LRAT: variants seen among roughly 807,000 people sequenced by gnomAD.
LRAT encodes lecithin retinol acyltransferase (phosphatidylcholine--retinol O-acyltransferase).
In LRAT, 11 loss-of-function variants were observed where a neutral mutation model predicts 14.2. The ratio of observed to expected loss-of-function variants is 0.78; its 90% CI spans 0.49 to 1.29. The LOEUF is 1.29. Ranked by LOEUF, LRAT falls within the 50% of genes most tolerant of loss-of-function variation. The pLI, the probability that LRAT is intolerant of heterozygous loss-of-function variation, is 0.00. For missense variants in LRAT, 274 were observed against 292.4 expected, an observed-to-expected ratio of 0.94 and a Z score of 0.46; for synonymous variants, 144 against 124.8, an observed-to-expected ratio of 1.15 and a Z score of -1.03.
At position 154,744,342 on chromosome 4, in the gene LRAT, CTGGAGG is replaced by C. The variant is rs1732830486; in HGVS notation, c.20_25del (p.Glu7_Val8del). Reference sequence around the variant, plus strand: ...TCCCTGCAGGATGAAGAACCCCATGCTGGAGGTGGTGTCTTTACTACTGGAGAAGCT... The same window carrying C: ...TCCCTGCAGGATGAAGAACCCCATGCTGGTGTCTTTACTACTGGAGAAGCT... On this transcript the variant is annotated inframe_deletion, in exon 2 of 3. Transcript: ENST00000336356. The C allele has an allele frequency of 6.2e-7, 1 of 1,614,028 alleles. No individual in the cohort carries two copies. Among genetic ancestry groups the C allele is most frequent in the Non-Finnish European group, 8.5e-7 (1 of 1,180,048 alleles).
intron 2 of LRAT, 111 bp downstream of exon 2, chr4:154,744,977 C>T: frequency 8.0e-6 from 7 of 875,040 alleles, no homozygotes; most frequent in South Asian, 4.1e-5. Context: ...ACCTCCCCTA[C>T]CACTTCCATA....
chr4:154,741,041 G>A (rs928935655), upstream of LRAT: 3 of 152,114 alleles, frequency 2.0e-5, no homozygotes, highest in African/African-American at 7.2e-5. Context: ...TATTATTGGG[G>A]GCATAAGCCT....
upstream of LRAT, among the ~76,000 whole-genome samples, chr4:154,741,985 C>T (rs1344441062): frequency 6.6e-6 from 1 of 151,992 alleles, no homozygotes; most frequent in South Asian, 2.1e-4. Context: ...GCCCTTTGGC[C>T]CGTGACACAA....
At position 154,749,554 on chromosome 4, in the gene LRAT, T is replaced by C; in HGVS notation, c.*418T>C. On this transcript the variant is annotated 3_prime_UTR_variant, in exon 3 of 3. Coordinates refer to ENST00000336356, the MANE Select transcript of LRAT (RefSeq NM_004744.5). ...TACTTTGTTTCATTGAAAAAACAAA[T>C]TGATAAACATATTAAACTGGAAGAA... The C allele has an allele frequency of 6.2e-6, 1 of 160,692 alleles. No homozygotes were observed. The highest frequency in any genetic ancestry group is 1.4e-5 in the Non-Finnish European group (1 of 73,248). The allele number at this position is 160,692 out of a possible 1,614,324, so 10.0% of individuals were successfully genotyped here. A position where few individuals can be genotyped will look rare whatever the true frequency, so the allele number is the denominator to read the frequency against.
rs1732952951 is a variant in LRAT, at chr4:154,749,760, T to C, written c.*624T>C. ...GAAATTATAGAAATCTGTGTTTTCC[T>C]GTAAAAATAGCACTATAGTATCACT... On this transcript the variant is annotated 3_prime_UTR_variant, in exon 3 of 3. Transcript: ENST00000336356. 6.6e-6 allele frequency: 1 copy of C among 152,524 alleles called. No individual in the cohort carries two copies. The highest frequency in any genetic ancestry group is 1.5e-5 in the Non-Finnish European group (1 of 68,280). The allele number at this position is 152,524 out of a possible 1,614,324, so 9.4% of individuals were successfully genotyped here.
chr4:154,742,675 T>A (rs1732789299), upstream of LRAT, among the ~76,000 whole-genome samples: 1 of 152,086 alleles, frequency 6.6e-6, no homozygotes, highest in Admixed American at 6.5e-5. Context: ...CAGCACCCGG[T>A]GGGGACATCG....
upstream of LRAT, among the ~76,000 whole-genome samples, chr4:154,743,346 C>T (rs1732805302): frequency 6.6e-6 from 1 of 151,948 alleles, no homozygotes; most frequent in African/African-American, 2.4e-5. Flanking sequence ...ACTAAAAATA[C>T]AAAAATTAGC....
chr4:154,748,956 C>T (rs1732933771), intron 2 of LRAT, 28 bp from the exon 3 acceptor site: 1 of 1,610,900 alleles, frequency 6.2e-7, no homozygotes. Flanking sequence ...AGCCACCTTT[C>T]CTAATTTTCC....
upstream of LRAT, among the ~76,000 whole-genome samples, chr4:154,741,387 C>A (rs778667603): frequency 1.3e-4 from 20 of 152,192 alleles, no homozygotes; most frequent in Non-Finnish European, 2.5e-4. Flanking sequence ...GAAGTCCTAG[C>A]ACGCAGAGCA....
upstream of LRAT, among the ~76,000 whole-genome samples, chr4:154,742,598 C>G (rs562936735): frequency 5.9e-5 from 9 of 152,312 alleles, no homozygotes; most frequent in South Asian, 1.5e-3. Flanking sequence ...TGGAGCCACC[C>G]GAGGCTCTCC....
chr4:154,748,947 G>T lies in LRAT; in HGVS notation c.541-37G>T. On this transcript the variant is annotated intron_variant, in intron 2 of 2. Transcript: ENST00000336356. ...ATATATGTGATTCTTCTTGGGTTTA[G>T]CCACCTTTCCTAATTTTCCAATATT... is the stretch of plus-strand genomic sequence containing the variant. 2.5e-6 allele frequency: 4 copies of T among 1,604,604 alleles called. No individual in the cohort carries two copies. The Middle Eastern group carries it at 6.6e-4, about 265-fold the overall frequency.
At chr4:154,748,101 A>C in intron 2 of LRAT, 2 of 355,358 alleles carry the variant, frequency 5.6e-6, no homozygotes, top group Non-Finnish European at 7.9e-6. Context: ...CAATCACTGC[A>C]TTCTGGCATC....
chr4:154,741,204 G>T, upstream of LRAT, among the ~76,000 whole-genome samples: 1 of 129,786 alleles, frequency 7.7e-6, no homozygotes, highest in Admixed American at 8.3e-5. Context: ...GGGGGGTCGG[G>T]GGCGGGGAGA....
upstream of LRAT, among the ~76,000 whole-genome samples, chr4:154,742,142 C>G (rs1052617304): frequency 6.6e-6 from 1 of 152,160 alleles, no homozygotes; most frequent in African/African-American, 2.4e-5. Flanking sequence ...CTGCTAGAGG[C>G]TAGCAAGCTC....
At position 154,744,494 on chromosome 4, in the gene LRAT, C is replaced by T. The variant is rs772712968; in HGVS notation, c.168C>T (p.Thr56=). Residue 56 remains threonine (T), a synonymous_variant, in exon 2 of 3, where the codon ACC becomes ACT. Coordinates refer to ENST00000336356, the MANE Select transcript of LRAT (RefSeq NM_004744.5). ...GCGACGTGCTGGAGGTGCCCCGGAC[C>T]CACCTGACCCACTATGGCATCTACC... ...HRGDVLEVPR[T]HLTHYGIYLG... is the part of the protein sequence containing the mutation. 5.6e-6 allele frequency: 9 copies of T among 1,613,968 alleles called. No homozygotes were observed. Among genetic ancestry groups the T allele is most frequent in the Non-Finnish European group, 6.8e-6 (8 of 1,180,010 alleles).
chr4:154,742,158 G>A (rs1732780095), upstream of LRAT, among the ~76,000 whole-genome samples: 1 of 152,140 alleles, frequency 6.6e-6, no homozygotes, highest in Non-Finnish European at 1.5e-5. Flanking sequence ...AGCTCCCTGT[G>A]CGCAGCTGAT....
In LRAT at chr4:154,751,913, G is replaced by A. The variant is rs1044507001; in HGVS notation, c.*2777G>A. On this transcript the variant is annotated 3_prime_UTR_variant, in exon 3 of 3. Coordinates refer to ENST00000336356, the MANE Select transcript of LRAT (RefSeq NM_004744.5). ...TTCTGATTTCTGAAATGATAACCTA[G>A]TAGTGTCTGATGAAGTTTTTTCATG... The A allele has an allele frequency of 6.6e-6, 1 of 152,046 alleles. No individual in the cohort carries two copies. Among genetic ancestry groups the A allele is most frequent in the Non-Finnish European group, 1.5e-5 (1 of 67,998 alleles). The allele number at this position is 152,046 out of a possible 1,614,324, so 9.4% of individuals were successfully genotyped here. A position where few individuals can be genotyped will look rare whatever the true frequency, so the allele number is the denominator to read the frequency against.
In LRAT at chr4:154,744,416, G is replaced by T; in HGVS notation, c.90G>T (p.Ala30=). 6.2e-7 allele frequency: 1 copy of T among 1,614,092 alleles called. No homozygotes were observed. The change falls in exon 2 of 3, where the codon GCG becomes GCT. Residue 30 remains alanine, a synonymous_variant. Transcript: ENST00000336356. ...SNFTLFSSGA[A]GEDKGRNSFY... The stretch of plus-strand genomic sequence containing the variant: ...TCACGCTCTTTAGTTCGGGCGCCGC[G>T]GGCGAAGACAAAGGGAGGAACAGTT...
chr4:154,741,539 T>C (rs897091715), upstream of LRAT, among the ~76,000 whole-genome samples: 9 of 152,208 alleles, frequency 5.9e-5, no homozygotes, highest in Non-Finnish European at 8.8e-5. Context: ...CCTATTCATT[T>C]CCATGGCAGC....
Sources: gnomAD v4.1 joint callset for allele counts (sites outside exome capture counted in the v4.1 genomes callset) on GRCh38, gnomAD v4.1.1 for gene constraint, MANE v1.5 for transcripts, NCBI Gene and HGNC (gene_info 2026-07-23, HGNC 2026-07-21) for gene names.